DYSF: variants seen among roughly 807,000 people sequenced by gnomAD.
DYSF encodes dysferlin.
DYSF carries 212 observed loss-of-function variants against 274.9 expected under a neutral mutation model. The observed-to-expected ratio is 0.77, with a 90% CI of 0.69 to 0.86. The LOEUF (loss-of-function observed/expected upper bound fraction) is 0.86. Among genes scored for constraint, DYSF ranks in the 40% least tolerant of loss-of-function variants. The probability of loss-of-function intolerance (pLI) is 0.00; values close to 1 mark genes in which losing one functional copy is unlikely to be tolerated. For missense variants in DYSF, 2,666 were observed against 2,783.2 expected, an observed-to-expected ratio of 0.96 and a Z score of 0.95; for synonymous variants, 1,091 against 1,078.7, an observed-to-expected ratio of 1.01 and a Z score of -0.22.
chr2:71,563,572 A>G (rs1211410092), intron 23 of DYSF, among the ~76,000 whole-genome samples: 2 of 152,124 alleles, frequency 1.3e-5, no homozygotes, highest in East Asian at 3.9e-4. Flanking sequence ...TCCTGCTGCT[A>G]CGGGAGGAGG....
intron 40 of DYSF, 37 bp downstream of exon 40, chr2:71,613,447 T>C (rs769204307): frequency 6.4e-7 from 1 of 1,556,392 alleles, no homozygotes; most frequent in Non-Finnish European, 8.8e-7. Flanking sequence ...CTGGGTCACC[T>C]TTCCCCTCCA....
intron 1 of DYSF, among the ~76,000 whole-genome samples, chr2:71,471,689 G>T (rs12611717): frequency 6.6e-6 from 1 of 151,986 alleles, no homozygotes; most frequent in Admixed American, 6.5e-5. Context: ...AAACCAGGGG[G>T]CCGGGTGTGG....
intron 42 of DYSF, among the ~76,000 whole-genome samples, chr2:71,649,341 A>G (rs1558723457): frequency 6.6e-6 from 1 of 152,180 alleles, no homozygotes; most frequent in Non-Finnish European, 1.5e-5. Context: ...GACATATGAT[A>G]AAATAAATAC....
rs79500560 is a variant in DYSF at position 71,529,695 on chromosome 2, C to T, written c.1380+1294C>T. On this transcript the variant is annotated intron_variant, in intron 14 of 55. Coordinates refer to ENST00000410020, the MANE Select transcript of DYSF (RefSeq NM_001130987.2). ...CTGTGGGTGATATCTTGGCACTGTA[C>T]GGATGTCCTACTTCTCAGCTACCTC... is the stretch of plus-strand genomic sequence containing the variant. Among the ~76,000 whole-genome samples, 1,250 of 152,284 alleles carry T rather than the reference C, an allele frequency of 8.2e-3. 13 individuals are homozygous for T. The highest frequency in any genetic ancestry group is 0.027 in the African/African-American group (1,128 of 41,558).
rs2094211738 is a variant in DYSF at position 71,626,569 on chromosome 2, AC to A, written c.4527+5961del. On this transcript the variant is annotated intron_variant, in intron 41 of 55. Transcript: ENST00000410020. Reference sequence around the variant, plus strand: ...ACTTAAACAACTTTGCATTTCTGAAACAATCTAAGCTGATCATGATATATTA... The same window carrying A: ...ACTTAAACAACTTTGCATTTCTGAAAAATCTAAGCTGATCATGATATATTA... 2.0e-5 allele frequency among the ~76,000 whole-genome samples: 3 copies of A among 151,936 alleles called. No homozygotes were observed. In the South Asian group the frequency reaches 6.2e-4, roughly 32 times the overall value.
intron 30 of DYSF, among the ~76,000 whole-genome samples, chr2:71,575,153 C>G (rs1338004315): frequency 6.6e-6 from 1 of 152,108 alleles, no homozygotes; most frequent in Non-Finnish European, 1.5e-5. Context: ...GGCTGGGCAC[C>G]TATCTGTAGG....
At chr2:71,498,468 G>A (rs75425347) in intron 3 of DYSF, among the ~76,000 whole-genome samples, 5,909 of 152,324 alleles carry the variant, frequency 0.039, 130 homozygotes, top group Middle Eastern at 0.075. Flanking sequence ...AGTCTAGGTA[G>A]TGCCAGCAGG....
At chr2:71,580,816 T>C (rs2092870381) in intron 30 of DYSF, among the ~76,000 whole-genome samples, 1 of 152,236 alleles carries the variant, frequency 6.6e-6, no homozygotes, top group East Asian at 1.9e-4. Context: ...GCGTGGACCC[T>C]GCATCTGTCT....
intron 3 of DYSF, among the ~76,000 whole-genome samples, chr2:71,489,393 C>T (rs2083625800): frequency 6.6e-6 from 1 of 152,206 alleles, no homozygotes; most frequent in Admixed American, 6.5e-5. Context: ...TCAGACTCTG[C>T]TTAGAAAAGA....
At chr2:71,466,986 C>A in intron 1 of DYSF, 53 bp downstream of exon 1, 1 of 1,532,954 alleles carries the variant, frequency 6.5e-7, no homozygotes, top group South Asian at 1.2e-5. Context: ...CGACTCTCGG[C>A]GCTCACTGGC....
In DYSF at chr2:71,649,683, T is replaced by A. The variant is rs78213093; in HGVS notation, c.4626+5620T>A. On this transcript the variant is annotated intron_variant, in intron 42 of 55. Transcript: ENST00000410020. ...CACAGAAAGTGGACCGTGCAAAGAT[T>A]AAAAAAAAAGAACCTATGAAATGAG... Among the ~76,000 whole-genome samples the A allele has an allele frequency of 5.7e-3, 856 of 150,576 alleles. 9 individuals carry two copies. The highest frequency in any genetic ancestry group is 0.02 in the African/African-American group (815 of 41,036).
At chr2:71,663,210 T>G (rs2094933693) in intron 45 of DYSF, among the ~76,000 whole-genome samples, 1 of 152,184 alleles carries the variant, frequency 6.6e-6, no homozygotes, top group African/African-American at 2.4e-5. Flanking sequence ...CCGGGTACTC[T>G]CTGGACCACG....
At chr2:71,511,769 AG>A in intron 4 of DYSF, 37 bp from the exon 5 acceptor site, 1 of 1,273,380 alleles carries the variant, frequency 7.9e-7, no homozygotes. Context: ...GTCCGAGGCC[AG>A]CGCACCAACC....
At chr2:71,591,421 C>T (rs2093262277) in intron 32 of DYSF, among the ~76,000 whole-genome samples, 1 of 152,256 alleles carries the variant, frequency 6.6e-6, no homozygotes, top group Non-Finnish European at 1.5e-5. Flanking sequence ...ATGGTCTCGT[C>T]TTACTTTGAA....
chr2:71,683,491 G>T (rs531398959), intron 55 of DYSF, among the ~76,000 whole-genome samples: 1 of 152,220 alleles, frequency 6.6e-6, no homozygotes, highest in Non-Finnish European at 1.5e-5. Flanking sequence ...GCTGACACCT[G>T]ATTTCTAATG....
At chr2:71,513,999 C>G in intron 7 of DYSF, 78 bp downstream of exon 7, 2 of 1,545,762 alleles carry the variant, frequency 1.3e-6, no homozygotes, top group Non-Finnish European at 1.8e-6. Context: ...CCTGGTTTGT[C>G]CAGCTTCAGG....
chr2:71,609,388 G>C (rs955888466), intron 36 of DYSF, among the ~76,000 whole-genome samples: 1 of 152,194 alleles, frequency 6.6e-6, no homozygotes, highest in Non-Finnish European at 1.5e-5. Context: ...AATAAAGCCA[G>C]TGTTGCTCTG....
At chr2:71,484,513 G>A (rs745509758) in intron 3 of DYSF, among the ~76,000 whole-genome samples, 7 of 152,146 alleles carry the variant, frequency 4.6e-5, no homozygotes, top group Non-Finnish European at 1.5e-5. Flanking sequence ...TCTTGTGTTA[G>A]CAACATTTCA....
intron 1 of DYSF, among the ~76,000 whole-genome samples, chr2:71,478,232 GGC>G (rs2082554194): frequency 1.4e-5 from 2 of 144,872 alleles, no homozygotes; most frequent in Admixed American, 6.9e-5. Context: ...TTTTTTTTGA[GGC>G]AGAGTCTCAC....
Sources: gnomAD v4.1 joint callset for allele counts (sites outside exome capture counted in the v4.1 genomes callset) on GRCh38, gnomAD v4.1.1 for gene constraint, MANE v1.5 for transcripts, NCBI Gene and HGNC (gene_info 2026-07-23, HGNC 2026-07-21) for gene names.